The following ZNF335 variants were observed in gnomAD, a reference collection of about 807,000 sequenced individuals.
ZNF335 encodes the protein NRC-interacting factor 1.
ZNF335 carries 84 observed loss-of-function variants against 145.6 expected under a neutral mutation model. That is an observed-to-expected ratio of 0.58 (90% CI 0.48 to 0.69). The LOEUF (loss-of-function observed/expected upper bound fraction) is 0.69, where lower values mean the gene tolerates loss of function less well. ZNF335 is among the 30% of genes least tolerant of loss of function. ZNF335 has a pLI of 0.00. For synonymous variants in ZNF335, 761 were observed against 717.0 expected (o/e 1.06, Z -0.98); for missense variants, 1,865 against 1,809.7 (o/e 1.03, Z -0.55).
rs1600556751 is a variant in ZNF335, at chr20:45,971,798, G to A, written c.-51+324C>T. 5 of 985,236 alleles carry A rather than the reference G, an allele frequency of 5.1e-6. No individual in the cohort carries two copies. The South Asian group carries it at 1.9e-4, about 37-fold the overall frequency. 61.0% of individuals were successfully genotyped at this position (985,236 alleles called of 1,614,324 possible). On this transcript the variant is annotated intron_variant, in intron 1 of 27. Transcript: ENST00000322927. ...GCCCCCGCGTCCCCCCGGGTTGCAG[G>A]GCCGGTGGTACAGCCCGCTGGCCCC...
chr20:45,970,130 T>G, intron 2 of ZNF335: 1 of 158,160 alleles, frequency 6.3e-6, no homozygotes, highest in Non-Finnish European at 1.4e-5. Flanking sequence ...GTGCTGCAGC[T>G]GCCTGTGTCC....
chr20:45,960,369 CTGGAGGCGGT>C lies in ZNF335; in HGVS notation c.1860-11_1860-2del, dbSNP rs1277078152. On this transcript the variant is annotated splice_acceptor_variant and splice_polypyrimidine_tract_variant and intron_variant, in intron 13 of 27. Coordinates refer to ENST00000322927, the MANE Select transcript of ZNF335 (RefSeq NM_022095.4). LOFTEE classifies it high-confidence loss of function. Reference sequence around the variant, plus strand: ...AAACTCACAGAACTCACACTTGAACCTGGAGGCGGTTAGAGGGAGGGAAGCTCAGTAATGA... The same window carrying C: ...AAACTCACAGAACTCACACTTGAACCTAGAGGGAGGGAAGCTCAGTAATGA... 6.2e-7 allele frequency: 1 copy of C among 1,614,184 alleles called. No homozygotes were observed. Among genetic ancestry groups the C allele is most frequent in the South Asian group, 1.1e-5 (1 of 91,084 alleles).
chr20:45,956,604 G>A (rs1396893499), intron 17 of ZNF335, among the ~76,000 whole-genome samples: 1 of 151,848 alleles, frequency 6.6e-6, no homozygotes, highest in East Asian at 1.9e-4. Context: ...GGGAACAGGA[G>A]ACAAATCAAT....
At position 45,952,316 on chromosome 20, in the gene ZNF335, G is replaced by A. The variant is rs750752540; in HGVS notation, c.3020C>T (p.Ser1007Leu). Residue 1007 changes from serine (S) to leucine (L), a missense_variant, in exon 20 of 28, where the codon TCA becomes TTA. Ser to Leu is a moderately radical substitution (Grantham distance 145). Transcript: ENST00000322927. Reference protein sequence around the residue: ...SKALGLAVPPSPPSAATAASK... With the variant: ...SKALGLAVPPLPPSAATAASK... ...TGCAGCAGTGGCTGCAGATGGCGGT[G>A]ACGGGGGCACTGCCAGGCCCAGGGC... The A allele has an allele frequency of 5.6e-6, 9 of 1,613,394 alleles. No homozygotes were observed. Among genetic ancestry groups the A allele is most frequent in the Non-Finnish European group, 5.9e-6 (7 of 1,180,010 alleles).
rs1229403826 is a variant in ZNF335 at position 45,972,122 on chromosome 20, C to G, written c.-51G>C. 1 of 1,289,562 alleles carries G rather than the reference C, an allele frequency of 7.8e-7. No homozygotes were observed. Among genetic ancestry groups the G allele is most frequent in the South Asian group, 1.2e-5 (1 of 80,940 alleles). The allele number at this position is 1,289,562 out of a possible 1,614,324, so 79.9% of individuals were successfully genotyped here. The stretch of plus-strand genomic sequence containing the variant: ...CCGCCTAACTCTACCCGAAGCTCAC[C>G]CGAGGCTTTCGTAGCCACGTTCCTC... On this transcript the variant is annotated splice_region_variant and 5_prime_UTR_variant, in exon 1 of 28. Coordinates refer to ENST00000322927, the MANE Select transcript of ZNF335 (RefSeq NM_022095.4).
At chr20:45,971,862 A>G in intron 1 of ZNF335, 4 of 984,980 alleles carry the variant, frequency 4.1e-6, no homozygotes, top group Non-Finnish European at 4.8e-6. Context: ...TCCCCTGCGG[A>G]GGCGGCTGAC....
At chr20:45,964,036 G>A (rs1384611526) in intron 7 of ZNF335, 46 bp from the exon 8 acceptor site, 6 of 1,504,932 alleles carry the variant, frequency 4.0e-6, no homozygotes, top group Non-Finnish European at 5.3e-6. Context: ...GACACACCAG[G>A]ACAGACGTGG....
chr20:45,970,832 C>T (rs2084047477), intron 2 of ZNF335, among the ~76,000 whole-genome samples: 1 of 145,686 alleles, frequency 6.9e-6, no homozygotes, highest in Non-Finnish European at 1.5e-5. Context: ...CTCAAGTGAT[C>T]CTCCCACCTC....
At chr20:45,953,448 G>A (rs1345927749) in intron 18 of ZNF335, among the ~76,000 whole-genome samples, 11 of 152,186 alleles carry the variant, frequency 7.2e-5, no homozygotes, top group Admixed American at 2.0e-4. Flanking sequence ...GTAAAACAAG[G>A]GAAATCTGGG....
At chr20:45,958,509 C>T (rs955256426) in intron 15 of ZNF335, among the ~76,000 whole-genome samples, 1 of 152,202 alleles carries the variant, frequency 6.6e-6, no homozygotes, top group Non-Finnish European at 1.5e-5. Context: ...ACCAGCAAGT[C>T]ATGTGGTCCA....
In ZNF335 at chr20:45,957,914, C is replaced by T. The variant is rs779998591; in HGVS notation, c.2268G>A (p.Ala756=). The part of the protein sequence containing the change: ...SPGPPEIPPE[A]TTFQSSEAPS... ...GAGCCTCAGATGACTGGAAAGTTGT[C>T]GCCTCTGGGGGTATCTATGGGGTGG... The change falls in exon 16 of 28, where the codon GCG becomes GCA. Residue 756 remains alanine (A), a synonymous_variant. Transcript: ENST00000322927. 5.6e-6 allele frequency: 9 copies of T among 1,614,008 alleles called. No individual in the cohort carries two copies. The highest frequency in any genetic ancestry group is 2.2e-5 in the East Asian group (1 of 44,884).
chr20:45,952,397 G>T lies in ZNF335; in HGVS notation c.2939C>A (p.Thr980Asn). The change falls in exon 20 of 28, where the codon ACC becomes AAC. Residue 980 changes from threonine (T) to asparagine (N), a missense_variant. Coordinates refer to ENST00000322927, the MANE Select transcript of ZNF335 (RefSeq NM_022095.4). ...GCTCTGGGAGTCCCCTACGCAGTGG[G>T]TCTTGGCTGGAGATGGGGGCTCAGG... ...DGPEPPSPAKTHCVGDSQSSA... is the reference protein window; with the variant it reads ...DGPEPPSPAKNHCVGDSQSSA... The T allele has an allele frequency of 1.9e-6, 3 of 1,592,322 alleles. No individual in the cohort carries two copies. Among genetic ancestry groups the T allele is most frequent in the Non-Finnish European group, 2.6e-6 (3 of 1,166,242 alleles).
chr20:45,966,058 T>C (rs2083946935), intron 6 of ZNF335, among the ~76,000 whole-genome samples: 1 of 152,038 alleles, frequency 6.6e-6, no homozygotes, highest in Admixed American at 6.6e-5. Context: ...GTACAGCCAG[T>C]TAGAAAAAAG....
chr20:45,949,012 T>G lies in ZNF335; in HGVS notation c.3970A>C (p.Ile1324Leu). 6.2e-7 allele frequency: 1 copy of G among 1,613,888 alleles called. No individual in the cohort carries two copies. The highest frequency in any genetic ancestry group is 8.5e-7 in the Non-Finnish European group (1 of 1,180,002). ...FGTDETVPEH[I>L]QQLQHQGIEY... ...ATGCCCTGGTGCTGCAGCTGTTGAA[T>G]GTGTTCGGGCACTGTCTCGTCTGTA... The change falls in exon 28 of 28, where the codon ATT becomes CTT. Residue 1324 changes from isoleucine to leucine, a missense_variant. Transcript: ENST00000322927.
rs768545295 is a variant in ZNF335, at chr20:45,965,723, C to A, written c.1007G>T (p.Arg336Leu). 1 of 1,606,496 alleles carries A rather than the reference C, an allele frequency of 6.2e-7. No individual in the cohort carries two copies. Among genetic ancestry groups the A allele is most frequent in the Non-Finnish European group, 8.5e-7 (1 of 1,176,922 alleles). ...GGTACTGGGGGTGGGGCGCTGGAGC[C>A]GAAGCTGCCGGCCTCGGGGCTCATC... ...AEDEPRGRQLRLQRPTPSTPR... is the reference protein window; with the variant it reads ...AEDEPRGRQLLLQRPTPSTPR... Residue 336 changes from arginine to leucine, a missense_variant, in exon 7 of 28, where the codon CGG becomes CTG. Arg to Leu is a moderately radical substitution (Grantham distance 102, BLOSUM62 -2). Coordinates refer to ENST00000322927, the MANE Select transcript of ZNF335 (RefSeq NM_022095.4).
chr20:45,967,519 G>T lies in ZNF335; in HGVS notation c.930C>A (p.Asp310Glu). 1 of 1,614,044 alleles carries T rather than the reference G, an allele frequency of 6.2e-7. No individual in the cohort carries two copies. Among genetic ancestry groups the T allele is most frequent in the South Asian group, 1.1e-5 (1 of 91,074 alleles). ...CCTCCAGGTCATCAATGGCTCCAGC[G>T]TCTACAATGTCATCATCGTCCTCCT... ...PEEEDDDDIVDAGAIDDLEED... is the reference protein window; with the variant it reads ...PEEEDDDDIVEAGAIDDLEED... The change falls in exon 6 of 28, where the codon GAC becomes GAA. Residue 310 changes from aspartate (D) to glutamate (E), a missense_variant. Asp to Glu is a conservative substitution (Grantham distance 45). Coordinates refer to ENST00000322927, the MANE Select transcript of ZNF335 (RefSeq NM_022095.4).
At chr20:45,955,350 C>CAAAAAAAAAAA (rs61555698) in intron 17 of ZNF335, among the ~76,000 whole-genome samples, 11,492 of 37,174 alleles carry the variant, frequency 0.31, 4,554 homozygotes, top group Non-Finnish European at 0.41. Flanking sequence ...GACTCTGTCT[C>CAAAAAAAAAAA]AAAAAAAAAA....
rs1467477308 is a variant in ZNF335, at chr20:45,949,797, C to G, written c.3669+3G>C. 6.2e-7 allele frequency: 1 copy of G among 1,614,074 alleles called. No homozygotes were observed. The highest frequency in any genetic ancestry group is 1.1e-5 in the South Asian group (1 of 91,078). ...AGGGGATTAACAGTAGCTAGTAGCT[C>G]ACCTGGTTGTCGGAGGTCACCAGGT... On this transcript the variant is annotated splice_donor_region_variant and intron_variant, in intron 24 of 27. Transcript: ENST00000322927.
chr20:45,959,489 C>A, intron 14 of ZNF335, 56 bp from the exon 15 acceptor site: 1 of 1,295,546 alleles, frequency 7.7e-7, no homozygotes. Context: ...CTACCCCCTC[C>A]AGGAATCCTT....
Sources: gnomAD v4.1 joint callset for allele counts (sites outside exome capture counted in the v4.1 genomes callset) on GRCh38, gnomAD v4.1.1 for gene constraint, MANE v1.5 for transcripts, NCBI Gene and HGNC (gene_info 2026-07-23, HGNC 2026-07-21) for gene names.